Variants in EHMT1 observed in about 807,000 individuals in gnomAD.
EHMT1 encodes euchromatic histone lysine methyltransferase 1.
Under a neutral mutation model 147.2 loss-of-function variants are expected in EHMT1, and 15 were observed. The observed-to-expected ratio is 0.10, with a 90% CI of 0.07 to 0.16. The LOEUF (loss-of-function observed/expected upper bound fraction) is 0.16. Among genes scored for constraint, EHMT1 ranks in the 10% least tolerant of loss-of-function variants. EHMT1 has a pLI of 1.00. For synonymous variants in EHMT1, 795 were observed against 709.6 expected (o/e 1.12, Z -1.91); for missense variants, 1,587 against 1,772.4 (o/e 0.90, Z 1.88).
At chr9:137,674,213 G>T (rs896619701) in intron 1 of EHMT1, among the ~76,000 whole-genome samples, 1 of 152,172 alleles carries the variant, frequency 6.6e-6, no homozygotes, top group Admixed American at 6.5e-5. Context: ...GTGGTGGGGC[G>T]AGGGGGGCTG....
At position 137,725,134 on chromosome 9, in the gene EHMT1, TTGTGGCAGGTG is replaced by T. The variant is rs1404190756; in HGVS notation, c.643-3205_643-3195del. On this transcript the variant is annotated intron_variant, in intron 3 of 26. Coordinates refer to ENST00000460843, the MANE Select transcript of EHMT1 (RefSeq NM_024757.5). The stretch of plus-strand genomic sequence containing the variant: ...GGCGTGTGGCATTCATGGGGCATTC[TTGTGGCAGGTG>T]TGTGGCAGGCGTGTGGCATTCGTGT... 6.3e-5 allele frequency among the ~76,000 whole-genome samples: 8 copies of T among 126,168 alleles called. No homozygotes were observed. In the East Asian group the frequency reaches 1.9e-3, roughly 29 times the overall value. 82.8% of individuals were successfully genotyped at this position (126,168 alleles called of 152,430 possible).
In EHMT1 at chr9:137,754,171, A is replaced by T. The variant is rs763764123; in HGVS notation, c.1249A>T (p.Ser417Cys). ...EEEGGDESDL[S>C]SESSIKKKFL... ...TATGCCTGCCCGTTTGGTTCTCCAG[A>T]GTTCGGAATCCAGCATTAAGAAGAA... Residue 417 changes from serine to cysteine, a missense_variant and splice_region_variant, in exon 8 of 27, where the codon AGT becomes TGT. By Grantham distance (112) the Ser-to-Cys change is moderately radical (BLOSUM62 -1). Transcript: ENST00000460843. 1 of 1,614,016 alleles carries T rather than the reference A, an allele frequency of 6.2e-7. No individual in the cohort carries two copies. Among genetic ancestry groups the T allele is most frequent in the East Asian group, 2.2e-5 (1 of 44,894 alleles).
intron 1 of EHMT1, among the ~76,000 whole-genome samples, chr9:137,625,436 T>C (rs1843195882): frequency 6.6e-6 from 1 of 152,032 alleles, no homozygotes; most frequent in Admixed American, 6.6e-5. Flanking sequence ...ACTCCTGGGC[T>C]CAAGCAAGCC....
chr9:137,668,408 C>G (rs982618165), intron 1 of EHMT1, among the ~76,000 whole-genome samples: 20 of 152,188 alleles, frequency 1.3e-4, no homozygotes, highest in African/African-American at 4.8e-4. Flanking sequence ...TCCACCTCAC[C>G]ACCCACCCAT....
intron 6 of EHMT1, among the ~76,000 whole-genome samples, chr9:137,748,624 ACT>A: frequency 6.6e-6 from 1 of 152,022 alleles, no homozygotes; most frequent in East Asian, 1.9e-4. Context: ...TGCCGGCCAC[ACT>A]CGGTGCTGCC....
intron 1 of EHMT1, chr9:137,667,530 T>C (rs1939808148): frequency 6.6e-6 from 1 of 152,344 alleles, no homozygotes; most frequent in Admixed American, 6.5e-5. Flanking sequence ...GGGCAGAGGC[T>C]GGCATGTGGG....
chr9:137,817,609 C>T (rs1466039304), intron 24 of EHMT1, 84 bp downstream of exon 24: 1 of 1,562,122 alleles, frequency 6.4e-7, no homozygotes, highest in African/African-American at 1.4e-5. Context: ...GGAAGCCCCT[C>T]TGGGAGCAGG....
chr9:137,819,697 G>A (rs1045780827), intron 25 of EHMT1, among the ~76,000 whole-genome samples: 3 of 151,930 alleles, frequency 2.0e-5, no homozygotes, highest in African/African-American at 7.3e-5. Context: ...GCTGAGGAGC[G>A]GCTGTGTGTT....
intron 7 of EHMT1, among the ~76,000 whole-genome samples, chr9:137,752,923 G>A (rs1007953911): frequency 7.9e-5 from 12 of 152,322 alleles, no homozygotes; most frequent in Non-Finnish European, 1.8e-4. Flanking sequence ...AGAACTTTCT[G>A]GTGGTGAGGA....
At chr9:137,779,596 C>T (rs1951227856) in intron 13 of EHMT1, 39 bp from the exon 14 acceptor site, 4 of 1,609,422 alleles carry the variant, frequency 2.5e-6, no homozygotes, top group Non-Finnish European at 3.4e-6. Flanking sequence ...GTGTGGGATG[C>T]AGAGCCCCAT....
At chr9:137,729,110 T>G (rs1163408712) in intron 4 of EHMT1, among the ~76,000 whole-genome samples, 1 of 152,094 alleles carries the variant, frequency 6.6e-6, no homozygotes, top group Non-Finnish European at 1.5e-5. Flanking sequence ...CTTTCAAACC[T>G]CCTCAGCTTC....
chr9:137,762,186 G>A (rs904912017), intron 9 of EHMT1, among the ~76,000 whole-genome samples: 1 of 152,030 alleles, frequency 6.6e-6, no homozygotes, highest in Non-Finnish European at 1.5e-5. Context: ...CTAATAAATG[G>A]GCTCTTTGGA....
At chr9:137,622,128 T>C (rs1440053983) in intron 1 of EHMT1, among the ~76,000 whole-genome samples, 3 of 123,540 alleles carry the variant, frequency 2.4e-5, no homozygotes, top group African/African-American at 9.1e-5. Flanking sequence ...CCCCCTTTTT[T>C]TTCTTTTTGA....
chr9:137,794,818 C>T (rs891395185), intron 16 of EHMT1, among the ~76,000 whole-genome samples: 4 of 152,058 alleles, frequency 2.6e-5, no homozygotes, highest in African/African-American at 9.7e-5. Flanking sequence ...AGTAAACGTA[C>T]CCTTCAGCGA....
chr9:137,625,373 G>A (rs910703957), intron 1 of EHMT1, among the ~76,000 whole-genome samples: 2 of 152,012 alleles, frequency 1.3e-5, no homozygotes, highest in African/African-American at 4.8e-5. Flanking sequence ...TTTTGTTGTT[G>A]TTGTTGTTGT....
In EHMT1 at chr9:137,813,119, C is replaced by G; in HGVS notation, c.2981C>G (p.Ala994Gly). ...QVWSALQMSK[A>G]LQDSAPDRPS... is the part of the protein sequence containing the mutation. ...TGGAGCGCTCTGCAGATGAGCAAGGCTCTGCAGGACTCGGCCCCCGACAGG... is the reference window on the plus strand; with the variant it reads ...TGGAGCGCTCTGCAGATGAGCAAGGGTCTGCAGGACTCGGCCCCCGACAGG... Residue 994 changes from alanine (A) to glycine (G), a missense_variant, in exon 20 of 27, where the codon GCT becomes GGT. Ala to Gly is a moderately conservative substitution (Grantham distance 60). Around this residue, in one of 7 missense-constraint regions of EHMT1, gnomAD observed 78 missense variants for 68.9 expected, o/e 1.13. Coordinates refer to ENST00000460843, the MANE Select transcript of EHMT1 (RefSeq NM_024757.5). The surrounding 1 kb of genome is among the most constrained non-coding windows in gnomAD (Gnocchi z 4.9). The G allele has an allele frequency of 6.2e-7, 1 of 1,612,978 alleles. No individual in the cohort carries two copies. The highest frequency in any genetic ancestry group is 2.2e-5 in the East Asian group (1 of 44,880).
chr9:137,790,835 G>A lies in EHMT1; in HGVS notation c.2383-13G>A, dbSNP rs1952472006. ...CACAGCCCTCCCATACACCTGAACT[G>A]TTGTTTCACTAGGCGGGCGCTAATA... On this transcript the variant is annotated splice_polypyrimidine_tract_variant and intron_variant, in intron 15 of 26. Transcript: ENST00000460843. 1.2e-6 allele frequency: 2 copies of A among 1,614,026 alleles called. No individual in the cohort carries two copies. Among genetic ancestry groups the A allele is most frequent in the African/African-American group, 2.7e-5 (2 of 74,906 alleles).
intron 10 of EHMT1, among the ~76,000 whole-genome samples, chr9:137,767,309 G>A (rs1004253471): frequency 1.3e-5 from 2 of 152,126 alleles, no homozygotes; most frequent in Admixed American, 1.3e-4. Context: ...ACATAGTCAC[G>A]TGCTGCGTAA....
intron 1 of EHMT1, among the ~76,000 whole-genome samples, chr9:137,706,941 C>G (rs1179587061): frequency 1.3e-5 from 2 of 152,080 alleles, no homozygotes; most frequent in African/African-American, 4.8e-5. Flanking sequence ...TCTCCTGCCT[C>G]AGCCTCCCGA....
Sources: allele counts gnomAD v4.1 joint callset (sites outside exome capture counted in the v4.1 genomes callset), GRCh38; gene constraint gnomAD v4.1.1; regional missense constraint gnomAD v4.1.1; non-coding constraint Gnocchi (gnomAD v3.1); transcripts MANE v1.5; gene names NCBI Gene and HGNC (gene_info 2026-07-23, HGNC 2026-07-21).